The following GPC5 variants were observed in gnomAD, a reference collection of about 807,000 sequenced individuals.
The protein encoded by GPC5 is glypican 5, also known as glypican-5.
A neutral mutation model predicts 53.9 loss-of-function variants in GPC5; 47 were observed. That is an observed-to-expected ratio of 0.87 (90% CI 0.69 to 1.11). GPC5 has a LOEUF of 1.11. Ranked by LOEUF, GPC5 falls within the 50% of genes most tolerant of loss-of-function variation. GPC5 has a pLI of 0.00. For synonymous variants in GPC5, 286 were observed against 263.3 expected, an observed-to-expected ratio of 1.09 and a Z score of -0.84; for missense variants, 748 against 713.1, an observed-to-expected ratio of 1.05 and a Z score of -0.56.
chr13:92,027,536 C>T (rs540522130), intron 6 of GPC5, among the ~76,000 whole-genome samples: 12 of 152,282 alleles, frequency 7.9e-5, no homozygotes, highest in African/African-American at 2.9e-4. Flanking sequence ...AAGGTGATTT[C>T]ACAAGCATTT....
At chr13:92,518,840 G>A (rs1270648911) in intron 7 of GPC5, among the ~76,000 whole-genome samples, 1 of 152,098 alleles carries the variant, frequency 6.6e-6, no homozygotes, top group African/African-American at 2.4e-5. Flanking sequence ...TGGCAAATTG[G>A]ATAAAGAGTC....
chr13:91,523,432 T>C (rs1885932790), intron 2 of GPC5, among the ~76,000 whole-genome samples: 1 of 152,186 alleles, frequency 6.6e-6, no homozygotes, highest in South Asian at 2.1e-4. Flanking sequence ...TGCAACAACA[T>C]GAATGAATCT....
At chr13:92,432,985 A>T (rs1877158657) in intron 7 of GPC5, among the ~76,000 whole-genome samples, 1 of 152,190 alleles carries the variant, frequency 6.6e-6, no homozygotes, top group Non-Finnish European at 1.5e-5. Flanking sequence ...AATAGAGAAG[A>T]ATGCAAAGGA....
intron 7 of GPC5, among the ~76,000 whole-genome samples, chr13:92,566,544 C>G (rs1882869997): frequency 6.6e-6 from 1 of 152,054 alleles, no homozygotes; most frequent in African/African-American, 2.4e-5. Flanking sequence ...CTTGAAGAGG[C>G]TAATGGATTT....
chr13:91,713,028 TA>T (rs2036261594), intron 3 of GPC5, among the ~76,000 whole-genome samples: 1 of 151,972 alleles, frequency 6.6e-6, no homozygotes, highest in South Asian at 2.1e-4. Flanking sequence ...CAGGCTGTAC[TA>T]AAAATGCAAA....
chr13:91,999,870 C>T (rs765640072), intron 6 of GPC5, among the ~76,000 whole-genome samples: 17 of 152,132 alleles, frequency 1.1e-4, no homozygotes, highest in Non-Finnish European at 2.5e-4. Flanking sequence ...CTTTCTGCAT[C>T]TGCAGATAAG....
chr13:92,781,440 C>T (rs1172687), intron 7 of GPC5, among the ~76,000 whole-genome samples: 10,685 of 151,916 alleles, frequency 0.07, 737 homozygotes, highest in African/African-American at 0.17. Context: ...ATGTTATATG[C>T]ACAAATATAA....
At chr13:92,041,682 T>A (rs1409243745) in intron 6 of GPC5, among the ~76,000 whole-genome samples, 1 of 152,174 alleles carries the variant, frequency 6.6e-6, no homozygotes, top group Non-Finnish European at 1.5e-5. Flanking sequence ...AAAGTAATGA[T>A]TACGCCTTTA....
intron 5 of GPC5, among the ~76,000 whole-genome samples, chr13:91,758,565 T>C (rs2037344007): frequency 6.6e-6 from 1 of 152,132 alleles, no homozygotes; most frequent in African/African-American, 2.4e-5. Context: ...AGAGTGATAG[T>C]ATTTTCAGCT....
intron 7 of GPC5, among the ~76,000 whole-genome samples, chr13:92,357,885 A>C (rs1045452582): frequency 6.6e-6 from 1 of 150,978 alleles, no homozygotes; most frequent in African/African-American, 2.5e-5. Flanking sequence ...GGGGGGGGAC[A>C]CAAATCCAAA....
chr13:91,511,956 G>T (rs534542036), intron 2 of GPC5, among the ~76,000 whole-genome samples: 1 of 152,240 alleles, frequency 6.6e-6, no homozygotes. Context: ...AAATAAATGA[G>T]AATGTACCCC....
At chr13:92,504,439 G>A (rs940759192) in intron 7 of GPC5, among the ~76,000 whole-genome samples, 1 of 151,814 alleles carries the variant, frequency 6.6e-6, no homozygotes, top group Non-Finnish European at 1.5e-5. Context: ...TTTAATGCAA[G>A]TCCAATCAAA....
At chr13:91,881,660 G>A (rs2039265091) in intron 5 of GPC5, among the ~76,000 whole-genome samples, 1 of 152,122 alleles carries the variant, frequency 6.6e-6, no homozygotes, top group Non-Finnish European at 1.5e-5. Flanking sequence ...CCAAGGACCA[G>A]AACCGTGTTT....
At chr13:92,776,794 T>C (rs760452124) in intron 7 of GPC5, among the ~76,000 whole-genome samples, 1 of 152,098 alleles carries the variant, frequency 6.6e-6, no homozygotes, top group Non-Finnish European at 1.5e-5. Flanking sequence ...CTGGCTTAAC[T>C]GCAGACAGTC....
intron 7 of GPC5, among the ~76,000 whole-genome samples, chr13:92,172,921 T>C (rs1049493662): frequency 6.7e-6 from 1 of 150,286 alleles, no homozygotes; most frequent in African/African-American, 2.4e-5. Flanking sequence ...AGGGTTTTTT[T>C]AATTAAAAAA....
At chr13:92,834,621 A>G (rs1878162852) in intron 7 of GPC5, among the ~76,000 whole-genome samples, 2 of 152,160 alleles carry the variant, frequency 1.3e-5, no homozygotes, top group African/African-American at 2.4e-5. Context: ...AGTGATGAAT[A>G]TGAGAATATC....
intron 7 of GPC5, among the ~76,000 whole-genome samples, chr13:92,411,035 G>A (rs1048539639): frequency 2.0e-5 from 3 of 152,114 alleles, no homozygotes; most frequent in Admixed American, 1.3e-4. Flanking sequence ...AGGAGTCTGA[G>A]GCCAGTGTGG....
intron 2 of GPC5, among the ~76,000 whole-genome samples, chr13:91,494,942 A>C (rs1884166682): frequency 6.6e-6 from 1 of 152,184 alleles, no homozygotes; most frequent in Non-Finnish European, 1.5e-5. Flanking sequence ...AAATATCAGA[A>C]CTGCTATCTT....
rs77692227 is a variant in GPC5 at position 91,584,068 on chromosome 13, T to A, written c.326-109119T>A. Among the ~76,000 whole-genome samples, 38 of 152,136 alleles carry A rather than the reference T, an allele frequency of 2.5e-4. No homozygotes were observed. In the East Asian group the frequency reaches 7.2e-3, roughly 29 times the overall value. On this transcript the variant is annotated intron_variant, in intron 2 of 7. Coordinates refer to ENST00000377067, the MANE Select transcript of GPC5 (RefSeq NM_004466.6). ...TGATGTCCTTGTAAGAAGTGGAAATTGGGACACATGCACAGAGGGAAGGCC... is the reference window on the plus strand; with the variant it reads ...TGATGTCCTTGTAAGAAGTGGAAATAGGGACACATGCACAGAGGGAAGGCC...
Sources: gnomAD v4.1 joint callset for allele counts (sites outside exome capture counted in the v4.1 genomes callset) on GRCh38, gnomAD v4.1.1 for gene constraint, MANE v1.5 for transcripts, NCBI Gene and HGNC (gene_info 2026-07-23, HGNC 2026-07-21) for gene names.